Variants in RPS24 observed in about 807,000 individuals in gnomAD.
RPS24 encodes small ribosomal subunit protein eS24.
For missense variants in RPS24, 100 were observed against 162.5 expected, an observed-to-expected ratio of 0.62 and a Z score of 2.09; for synonymous variants, 72 against 55.6, an observed-to-expected ratio of 1.30 and a Z score of -1.31.
At chr10:78,041,131 TAG>T (rs1778273231), downstream of RPS24, among the ~76,000 whole-genome samples, 1 of 152,064 alleles carries the variant, frequency 6.6e-6, no homozygotes. Context: ...ACGTCTGGCT[TAG>T]AGTCTAAAAA....
At chr10:78,048,135 A>G (rs552565591) in intron 4 of RPS24, among the ~76,000 whole-genome samples, 1 of 152,124 alleles carries the variant, frequency 6.6e-6, no homozygotes, top group African/African-American at 2.4e-5. Context: ...ACCCTGCTAC[A>G]TGACATCCAT....
Position 78,054,688 on chromosome 10 carries a change from G to A in RPS24, c.548G>A (p.Arg183Gln), listed in dbSNP as rs955266569. The A allele has an allele frequency of 6.5e-5, 101 of 1,551,582 alleles. 1 individual carries two copies. The highest frequency in any genetic ancestry group is 1.7e-4 in the Middle Eastern group (1 of 6,014). Residue 183 changes from arginine (R) to glutamine (Q), a missense_variant, in exon 5 of 5, where the codon CGG becomes CAG. By Grantham distance (43) the Arg-to-Gln change is conservative. Coordinates refer to the RPS24 transcript ENST00000440692. ...AGCGTGTGGACATGTGGCAGATTGC[G>A]GAGGGGCTGTGGCAAGTATTTACAG...
At chr10:78,037,937 CTACTT>C in intron 4 of RPS24, 3 of 279,390 alleles carry the variant, frequency 1.1e-5, no homozygotes, top group South Asian at 7.9e-5. Flanking sequence ...CTTTTCCTCT[CTACTT>C]TCTTGGATTT....
chr10:78,048,382 G>A (rs1848065958), intron 4 of RPS24, among the ~76,000 whole-genome samples: 1 of 151,882 alleles, frequency 6.6e-6, no homozygotes, highest in African/African-American at 2.4e-5. Flanking sequence ...CATTCACCTC[G>A]TTAATCCAGG....
intron 4 of RPS24, chr10:78,049,144 G>A (rs947216893): frequency 6.6e-6 from 1 of 152,162 alleles, no homozygotes; most frequent in Non-Finnish European, 1.5e-5. Context: ...GTAAGCTTCA[G>A]GCGTCTTCCC....
chr10:78,037,702 G>C (rs1041997316), intron 4 of RPS24: 3 of 338,890 alleles, frequency 8.9e-6, no homozygotes, highest in African/African-American at 6.5e-5. Context: ...GATCAATGTG[G>C]CCCGTGTTTT....
chr10:78,044,742 A>T (rs1370996357), downstream of RPS24, among the ~76,000 whole-genome samples: 1 of 150,450 alleles, frequency 6.6e-6, no homozygotes, highest in East Asian at 1.9e-4. Flanking sequence ...ACGAAGCTGG[A>T]GAGGTCAGCG....
At position 78,053,149 on chromosome 10, in the gene RPS24, G is replaced by A. The variant is rs150749338; in HGVS notation, c.391-1382G>A. On this transcript the variant is annotated intron_variant, in intron 4 of 4. Coordinates refer to the RPS24 transcript ENST00000440692. ...GGCTGGGCAACAAGAGTGAAATTCC[G>A]TCTCAAAAAAACAAACAAAAACAAC... 7.8e-4 allele frequency among the ~76,000 whole-genome samples: 115 copies of A among 146,976 alleles called. No individual in the cohort carries two copies. The East Asian group carries it at 0.015, about 19-fold the overall frequency.
chr10:78,034,207 A>G (rs1847806858), intron 1 of RPS24: 2 of 538,042 alleles, frequency 3.7e-6, no homozygotes, highest in Non-Finnish European at 6.7e-6. Flanking sequence ...ATAGATGGAC[A>G]CTGGGAGGCA....
chr10:78,047,942 C>CT (rs1231169966), intron 4 of RPS24, among the ~76,000 whole-genome samples: 1 of 152,230 alleles, frequency 6.6e-6, no homozygotes, highest in Non-Finnish European at 1.5e-5. Context: ...CCCCACCACA[C>CT]TTTAAGATCT....
At chr10:78,052,554 C>T (rs1848109508) in intron 4 of RPS24, among the ~76,000 whole-genome samples, 1 of 152,186 alleles carries the variant, frequency 6.6e-6, no homozygotes, top group Admixed American at 6.5e-5. Context: ...TAGCTGCCGC[C>T]ATGGGAGGTA....
Position 78,035,336 on chromosome 10 carries a change from G to C in RPS24, c.4-16G>C, listed in dbSNP as rs568836605. On this transcript the variant is annotated splice_polypyrimidine_tract_variant and intron_variant, in intron 1 of 5. Transcript: ENST00000372360. The stretch of plus-strand genomic sequence containing the variant: ...AGTTGGAGTAGTTTTATTAACCAGA[G>C]TGTTTATGTTTTCAGAACGACACCG... 2.3e-5 allele frequency: 37 copies of C among 1,612,858 alleles called. No homozygotes were observed. Among genetic ancestry groups the C allele is most frequent in the Admixed American group, 5.0e-5 (3 of 59,992 alleles).
At chr10:78,040,269 C>T (rs1847965063) in intron 5 of RPS24, 44 bp downstream of exon 5, 1 of 1,510,064 alleles carries the variant, frequency 6.6e-7, no homozygotes, top group Non-Finnish European at 9.2e-7. Flanking sequence ...TCACTAGACT[C>T]CTTGGTGTAC....
rs1014571168 is a variant in RPS24 at position 78,040,290 on chromosome 10, A to G, written c.*19+65A>G. ...GACTCCTTGGTGTACTGACGTAGCA[A>G]TTTAAAAGCAGATCATGTGTAGTAC... On this transcript the variant is annotated intron_variant, in intron 5 of 5. Coordinates refer to ENST00000372360, the MANE Select transcript of RPS24 (RefSeq NM_033022.4). 1.9e-5 allele frequency: 26 copies of G among 1,337,206 alleles called. No homozygotes were observed. The African/African-American group carries it at 2.2e-4, about 11-fold the overall frequency. The allele number at this position is 1,337,206 out of a possible 1,614,324, so 82.8% of individuals were successfully genotyped here.
intron 4 of RPS24, among the ~76,000 whole-genome samples, chr10:78,053,384 C>G (rs1042590457): frequency 3.9e-5 from 6 of 152,034 alleles, no homozygotes; most frequent in Non-Finnish European, 8.8e-5. Context: ...GCCTGTATGT[C>G]ATAGCTTCTG....
rs145436836 is a variant in RPS24, at chr10:78,049,675, G to T, written c.391-4856G>T. 1.1e-4 allele frequency among the ~76,000 whole-genome samples: 16 copies of T among 152,318 alleles called. No individual in the cohort carries two copies. The East Asian group carries it at 2.9e-3, about 28-fold the overall frequency. On this transcript the variant is annotated intron_variant, in intron 4 of 4. Transcript: ENST00000440692. Reference sequence around the variant, plus strand: ...CGCTTAGCATGTGAAATCCAAGGAGGTCTTCACCCACAGTGGTGCTAGTGC... The same window carrying T: ...CGCTTAGCATGTGAAATCCAAGGAGTTCTTCACCCACAGTGGTGCTAGTGC...
intron 1 of RPS24, chr10:78,034,309 G>T (rs865984909): frequency 9.6e-6 from 3 of 312,466 alleles, no homozygotes; most frequent in Non-Finnish European, 1.8e-5. Flanking sequence ...GCGCCTGGGC[G>T]AGTTGCGGCA....
intron 4 of RPS24, among the ~76,000 whole-genome samples, chr10:78,050,362 C>T (rs1008769084): frequency 5.9e-5 from 9 of 152,204 alleles, no homozygotes; most frequent in Non-Finnish European, 1.5e-5. Context: ...GGCTGAGGAG[C>T]ACCTGCTGGG....
chr10:78,054,465 G>C (rs1848130564), intron 4 of RPS24: 2 of 1,410,772 alleles, frequency 1.4e-6, no homozygotes, highest in Non-Finnish European at 1.9e-6. Context: ...CACAGGCGCA[G>C]AACAGGGCGG....
Sources: gnomAD v4.1 joint callset for allele counts (sites outside exome capture counted in the v4.1 genomes callset) on GRCh38, gnomAD v4.1.1 for gene constraint, MANE v1.5 for transcripts, NCBI Gene and HGNC (gene_info 2026-07-23, HGNC 2026-07-21) for gene names.